PID1: variants seen among roughly 807,000 people sequenced by gnomAD.
The protein encoded by PID1 is PTB-containing, cubilin and LRP1-interacting protein.
Under a neutral mutation model 19.1 loss-of-function variants are expected in PID1, and 10 were observed. That is an observed-to-expected ratio of 0.52 (90% confidence interval 0.32 to 0.89). PID1 has a LOEUF of 0.89. PID1 is among the 40% of genes least tolerant of loss of function. The pLI, the probability that PID1 is intolerant of heterozygous loss-of-function variation, is 0.03. For synonymous variants in PID1, 130 were observed against 116.0 expected (o/e 1.12, Z -0.78); for missense variants, 248 against 285.3 (o/e 0.87, Z 0.94).
chr2:229,102,574 A>G (rs1042513332), intron 2 of PID1, among the ~76,000 whole-genome samples: 1 of 152,216 alleles, frequency 6.6e-6, no homozygotes, highest in Non-Finnish European at 1.5e-5. Context: ...GACTGACACC[A>G]GAAGCTGGTC....
At position 229,068,854 on chromosome 2, in the gene PID1, T is replaced by C. The variant is rs74800022; in HGVS notation, c.178-42746A>G. ...TTGCCCACAGAGGGTCCGCTATTTTTAGTAAAAACTGGCAATCCAACCCAG... is the reference window on the plus strand; with the variant it reads ...TTGCCCACAGAGGGTCCGCTATTTTCAGTAAAAACTGGCAATCCAACCCAG... On this transcript the variant is annotated intron_variant, in intron 2 of 2. Transcript: ENST00000392055. 9.7e-3 allele frequency among the ~76,000 whole-genome samples: 1,470 copies of C among 152,256 alleles called. 18 individuals are homozygous for C. The highest frequency in any genetic ancestry group is 0.027 in the African/African-American group (1,110 of 41,550).
chr2:229,078,035 A>T (rs35927878), intron 2 of PID1, among the ~76,000 whole-genome samples: 9,496 of 152,296 alleles, frequency 0.062, 334 homozygotes, highest in Middle Eastern at 0.12. Context: ...GAGCATGTGC[A>T]TGGAATGTTA....
intron 1 of PID1, among the ~76,000 whole-genome samples, chr2:229,220,484 C>T (rs922235811): frequency 2.0e-5 from 3 of 152,204 alleles, no homozygotes; most frequent in African/African-American, 7.2e-5. Flanking sequence ...GGCCCATGCT[C>T]TCCAGTGAAC....
chr2:229,190,040 GTGATTAC>G (rs1691222145), intron 1 of PID1, among the ~76,000 whole-genome samples: 1 of 152,160 alleles, frequency 6.6e-6, no homozygotes, highest in Non-Finnish European at 1.5e-5. Context: ...TTTAAGCTGA[GTGATTAC>G]TGACTCCAGG....
At chr2:229,211,994 A>G (rs1157319281) in intron 1 of PID1, among the ~76,000 whole-genome samples, 1 of 152,250 alleles carries the variant, frequency 6.6e-6, no homozygotes, top group African/African-American at 2.4e-5. Flanking sequence ...TCTCAAAGTC[A>G]TTCTTCTAAA....
rs199501612 is a variant in PID1 at position 229,046,353 on chromosome 2, T to TGTGA, written c.178-20246_178-20245insTCAC. On this transcript the variant is annotated intron_variant, in intron 2 of 2. Coordinates refer to ENST00000392055, the MANE Select transcript of PID1 (RefSeq NM_001100818.2). ...AGCATCCCTAAATTAGGAAAGTGTG[T>TGTGA]GTGTGTGTGTGTGTGTGTGTGTGTG... Among the ~76,000 whole-genome samples, 1,026 of 147,308 alleles carry TGTGA rather than the reference T, an allele frequency of 7.0e-3. 13 individuals are homozygous for TGTGA. The highest frequency in any genetic ancestry group is 0.025 in the African/African-American group (980 of 38,506).
intron 2 of PID1, among the ~76,000 whole-genome samples, chr2:229,034,670 A>T (rs1404226810): frequency 1.3e-5 from 2 of 152,068 alleles, no homozygotes; most frequent in Non-Finnish European, 2.9e-5. Flanking sequence ...TAACAATAGC[A>T]AAGGGGAGTG....
In PID1 at chr2:229,166,415, T is replaced by A. The variant is rs555812938; in HGVS notation, c.31-10451A>T. 2.6e-5 allele frequency among the ~76,000 whole-genome samples: 4 copies of A among 152,336 alleles called. No individual in the cohort carries two copies. The South Asian group carries it at 8.3e-4, about 32-fold the overall frequency. ...CCAACTTGTGCACTTTACATATGCA[T>A]GGTTTATTATATGTCGAGTATACCT... On this transcript the variant is annotated intron_variant, in intron 1 of 2. Transcript: ENST00000392055.
intron 1 of PID1, among the ~76,000 whole-genome samples, chr2:229,202,731 C>G (rs1430569266): frequency 6.6e-6 from 1 of 152,072 alleles, no homozygotes; most frequent in African/African-American, 2.4e-5. Context: ...ATTTCAAAAG[C>G]AGTACTTTTT....
At chr2:229,029,251 T>C (rs1476535870) in intron 2 of PID1, among the ~76,000 whole-genome samples, 1 of 141,180 alleles carries the variant, frequency 7.1e-6, no homozygotes, top group Non-Finnish European at 1.5e-5. Context: ...AAAAATAAAG[T>C]TCCTGTATGT....
intron 1 of PID1, among the ~76,000 whole-genome samples, chr2:229,184,562 A>G (rs373529580): frequency 7.2e-5 from 1 of 13,910 alleles, no homozygotes; most frequent in African/African-American, 5.8e-4. Flanking sequence ...TATATCCCGT[A>G]TATATATATA....
chr2:229,108,771 A>AT (rs1695228887), intron 2 of PID1, among the ~76,000 whole-genome samples: 2 of 152,130 alleles, frequency 1.3e-5, no homozygotes, highest in South Asian at 4.1e-4. Flanking sequence ...TTGTCTAAGG[A>AT]GCCTGGACAC....
intron 1 of PID1, among the ~76,000 whole-genome samples, chr2:229,191,855 A>G (rs1390154968): frequency 1.3e-5 from 2 of 152,218 alleles, no homozygotes; most frequent in African/African-American, 2.4e-5. Flanking sequence ...TTCAAATCCA[A>G]TTTCACTTTT....
At chr2:229,040,565 A>G (rs1470686954) in intron 2 of PID1, among the ~76,000 whole-genome samples, 1 of 152,192 alleles carries the variant, frequency 6.6e-6, no homozygotes, top group African/African-American at 2.4e-5. Flanking sequence ...TGTGACTTGC[A>G]GAATCATGGA....
intron 1 of PID1, among the ~76,000 whole-genome samples, chr2:229,179,742 T>C (rs1403008587): frequency 6.6e-6 from 1 of 152,212 alleles, no homozygotes; most frequent in Non-Finnish European, 1.5e-5. Flanking sequence ...TGCCAGATTT[T>C]ATCTAGCTGT....
intron 1 of PID1, among the ~76,000 whole-genome samples, chr2:229,181,931 A>T (rs1690954594): frequency 6.6e-6 from 1 of 152,256 alleles, no homozygotes; most frequent in African/African-American, 2.4e-5. Flanking sequence ...AGTGAAATGT[A>T]TATTACTGAG....
intron 1 of PID1, among the ~76,000 whole-genome samples, chr2:229,158,834 C>T (rs1249184638): frequency 2.6e-5 from 4 of 151,874 alleles, no homozygotes; most frequent in Non-Finnish European, 5.9e-5. Context: ...CACAGAAAGA[C>T]AAACATTGCA....
chr2:229,264,864 G>A (rs200892637), intron 1 of PID1, among the ~76,000 whole-genome samples: 83 of 152,322 alleles, frequency 5.4e-4, no homozygotes, highest in East Asian at 4.4e-3. Flanking sequence ...TACTTGGGAC[G>A]TAGTAGATGG....
chr2:229,098,524 A>G (rs148046377), intron 2 of PID1, among the ~76,000 whole-genome samples: 107 of 152,286 alleles, frequency 7.0e-4, no homozygotes, highest in African/African-American at 2.5e-3. Context: ...GTAATTTTCT[A>G]TATCTCTCAG....
Sources: allele counts gnomAD v4.1 joint callset (sites outside exome capture counted in the v4.1 genomes callset), GRCh38; gene constraint gnomAD v4.1.1; transcripts MANE v1.5; gene names NCBI Gene and HGNC (gene_info 2026-07-23, HGNC 2026-07-21).